Variants in SNRPF observed in about 807,000 individuals in gnomAD.
SNRPF encodes small nuclear ribonucleoprotein polypeptide F, also known as small nuclear ribonucleoprotein F.
Under a neutral mutation model 13.4 loss-of-function variants are expected in SNRPF, and 1 was observed. The ratio of observed to expected loss-of-function variants is 0.07; its 90% CI spans 0.03 to 0.35. The LOEUF (loss-of-function observed/expected upper bound fraction) is 0.35. SNRPF is among the 10% of genes least tolerant of loss of function. The probability of loss-of-function intolerance (pLI) is 0.99; values close to 1 mark genes in which losing one functional copy is unlikely to be tolerated. For synonymous variants in SNRPF, 27 were observed against 32.1 expected (o/e 0.84, Z 0.54); for missense variants, 53 against 101.0 (o/e 0.52, Z 2.04).
intron 2 of SNRPF, among the ~76,000 whole-genome samples, chr12:95,864,084 A>G (rs1055698274): frequency 5.3e-5 from 8 of 152,244 alleles, no homozygotes; most frequent in African/African-American, 1.7e-4. Flanking sequence ...GTTACATACA[A>G]ACTGTCTCAA....
chr12:95,861,945 A>C (rs186187724), intron 2 of SNRPF: 1 of 152,346 alleles, frequency 6.6e-6, no homozygotes, highest in African/African-American at 2.4e-5. Context: ...TTTACCATCC[A>C]AAAGTGAAAT....
chr12:95,861,402 A>G (rs556428678), intron 2 of SNRPF, 109 bp downstream of exon 2: 1 of 1,045,690 alleles, frequency 9.6e-7, no homozygotes, highest in East Asian at 3.1e-5. Context: ...ATTGACAAAT[A>G]TACGGCAAAA....
At chr12:95,861,073 C>A in intron 1 of SNRPF, 95 bp from the exon 2 acceptor site, 1 of 1,192,526 alleles carries the variant, frequency 8.4e-7, no homozygotes, top group Non-Finnish European at 1.2e-6. Flanking sequence ...AAGTTTTCTT[C>A]ATTTGCATAC....
chr12:95,863,101 G>A (rs2079503762), intron 2 of SNRPF, among the ~76,000 whole-genome samples: 1 of 152,064 alleles, frequency 6.6e-6, no homozygotes, highest in South Asian at 2.1e-4. Context: ...TTCCATACTT[G>A]TAAGCAGAGT....
intron 2 of SNRPF, among the ~76,000 whole-genome samples, chr12:95,862,311 T>C (rs1013582748): frequency 3.3e-5 from 5 of 152,270 alleles, no homozygotes; most frequent in African/African-American, 1.2e-4. Flanking sequence ...TAGTAAATAA[T>C]GCTGCTGTGA....
intron 2 of SNRPF, among the ~76,000 whole-genome samples, chr12:95,862,849 T>C (rs1202555540): frequency 2.0e-5 from 3 of 152,232 alleles, no homozygotes; most frequent in Non-Finnish European, 4.4e-5. Flanking sequence ...AAAATAGTTA[T>C]TCTAATGGGT....
Position 95,859,023 on chromosome 12 carries a change from G to GCGGCGGCCTGGT in SNRPF, c.-46_-35dup, listed in dbSNP as rs1219814530. 5 of 1,609,494 alleles carry GCGGCGGCCTGGT rather than the reference G, an allele frequency of 3.1e-6. No homozygotes were observed. The highest frequency in any genetic ancestry group is 4.2e-6 in the Non-Finnish European group (5 of 1,178,714). On this transcript the variant is annotated 5_prime_UTR_variant, in exon 1 of 4. Coordinates refer to ENST00000266735, the MANE Select transcript of SNRPF (RefSeq NM_003095.5). ...TACCTGCTGTAGTCACGAGGGACGG[G>GCGGCGGCCTGGT]CGGCGGCCTGGTCGGCAGAGAGTAG...
chr12:95,860,799 C>T (rs79232656), intron 1 of SNRPF, among the ~76,000 whole-genome samples: 8,130 of 150,000 alleles, frequency 0.054, 276 homozygotes, highest in Non-Finnish European at 0.085. Context: ...ATCCCCCGGC[C>T]TTGGCCTTCC....
chr12:95,864,647 G>A (rs1479572295), intron 2 of SNRPF, among the ~76,000 whole-genome samples: 1 of 152,222 alleles, frequency 6.6e-6, no homozygotes, highest in Admixed American at 6.5e-5. Context: ...GCTTATGCCT[G>A]TAATCCCAGC....
In SNRPF at chr12:95,865,173, TAGAA is replaced by T. The variant is rs1443537463; in HGVS notation, c.130-148_130-145del. 7 of 431,678 alleles carry T rather than the reference TAGAA, an allele frequency of 1.6e-5. No homozygotes were observed. The South Asian group carries it at 3.0e-4, about 18-fold the overall frequency. The allele number at this position is 431,678 out of a possible 1,614,324, so 26.7% of individuals were successfully genotyped here. On this transcript the variant is annotated intron_variant, in intron 2 of 3. Transcript: ENST00000266735. ...GAAACCAAAAGTACTACAATAGTAA[TAGAA>T]AGCTCATCTTCTGTTTATTAATTAT...
chr12:95,859,936 G>A (rs2079486958), intron 1 of SNRPF, among the ~76,000 whole-genome samples: 2 of 152,170 alleles, frequency 1.3e-5, no homozygotes, highest in Admixed American at 6.5e-5. Context: ...ATAACAAATT[G>A]GAGAATGAAA....
At chr12:95,860,027 C>A (rs1263399530) in intron 1 of SNRPF, among the ~76,000 whole-genome samples, 1 of 152,158 alleles carries the variant, frequency 6.6e-6, no homozygotes, top group Non-Finnish European at 1.5e-5. Context: ...GGGTTAGTAG[C>A]CAAGTTTCTT....
chr12:95,865,363 G>A lies in SNRPF; in HGVS notation c.169G>A (p.Gly57Arg). The change falls in exon 3 of 4, where the codon GGA (glycine) becomes AGA (arginine). Residue 57 changes from glycine to arginine, a missense_variant. Transcript: ENST00000266735. ...TEEYIDGALS[G>R]HLGEVLIRCN... ...AGAATACATAGATGGAGCTTTGTCT[G>A]GACATCTGGGTGAAGTTTTAATAAG... 6.4e-7 allele frequency: 1 copy of A among 1,569,030 alleles called. No individual in the cohort carries two copies. The highest frequency in any genetic ancestry group is 8.8e-7 in the Non-Finnish European group (1 of 1,140,140).
intron 2 of SNRPF, among the ~76,000 whole-genome samples, chr12:95,864,659 C>T (rs1007356586): frequency 6.6e-6 from 1 of 152,214 alleles, no homozygotes; most frequent in Non-Finnish European, 1.5e-5. Context: ...AATCCCAGCA[C>T]TTTGGGAGGC....
In SNRPF at chr12:95,865,299, CTAATA is replaced by C. The variant is rs1157263664; in HGVS notation, c.130-22_130-18del. On this transcript the variant is annotated intron_variant, in intron 2 of 3. Coordinates refer to ENST00000266735, the MANE Select transcript of SNRPF (RefSeq NM_003095.5). ...AATATTTTCCTCCTGTGTGATTATA[CTAATA>C]TATTTCTTTTTATTGAAAGCTTGCA... 5 of 1,194,086 alleles carry C rather than the reference CTAATA, an allele frequency of 4.2e-6. No individual in the cohort carries two copies. The highest frequency in any genetic ancestry group is 6.2e-6 in the Non-Finnish European group (5 of 801,626). 74.0% of individuals were successfully genotyped at this position (1,194,086 alleles called of 1,614,324 possible).
intron 1 of SNRPF, among the ~76,000 whole-genome samples, chr12:95,860,107 T>A (rs2079488049): frequency 6.6e-6 from 1 of 152,196 alleles, no homozygotes; most frequent in Admixed American, 6.5e-5. Context: ...GAGATGTTAA[T>A]GGTTTGCTGA....
At chr12:95,861,044 T>C in intron 1 of SNRPF, 124 bp from the exon 2 acceptor site, 1 of 756,616 alleles carries the variant, frequency 1.3e-6, no homozygotes, top group Non-Finnish European at 2.0e-6. Context: ...AATTATGTAC[T>C]AAAATAATAA....
chr12:95,863,024 A>G (rs980008264), intron 2 of SNRPF, among the ~76,000 whole-genome samples: 7 of 151,208 alleles, frequency 4.6e-5, no homozygotes, highest in Non-Finnish European at 7.4e-5. Flanking sequence ...TTTTAATGGT[A>G]GTAGTTTCCA....
intron 3 of SNRPF, 100 bp downstream of exon 3, chr12:95,865,488 A>T (rs1046323401): frequency 3.5e-5 from 20 of 576,438 alleles, no homozygotes; most frequent in Non-Finnish European, 5.3e-5. Context: ...ACTTTTTTTT[A>T]AAAAATCACT....
Sources: allele counts gnomAD v4.1 joint callset (sites outside exome capture counted in the v4.1 genomes callset), GRCh38; gene constraint gnomAD v4.1.1; transcripts MANE v1.5; gene names NCBI Gene and HGNC (gene_info 2026-07-23, HGNC 2026-07-21).